Variants in HTR2C observed in about 807,000 individuals in gnomAD.
HTR2C encodes the protein 5-hydroxytryptamine (serotonin) receptor 2C, G protein-coupled.
Under a neutral mutation model 21.0 loss-of-function variants are expected in HTR2C, and 5 were observed. The ratio of observed to expected loss-of-function variants is 0.24; its 90% CI spans 0.12 to 0.50. The LOEUF (loss-of-function observed/expected upper bound fraction) is 0.50, where lower values mean the gene tolerates loss of function less well. HTR2C is among the 20% of genes least tolerant of loss of function. The pLI, the probability that HTR2C is intolerant of heterozygous loss-of-function variation, is 0.98. For missense variants in HTR2C, 271 were observed against 371.2 expected (o/e 0.73, Z 2.22); for synonymous variants, 150 against 145.3 (o/e 1.03, Z -0.23).
At chrX:114,885,600 G>T (rs2147522736) in intron 5 of HTR2C, among the ~76,000 whole-genome samples, 1 of 111,483 alleles carries the variant, frequency 9.0e-6, no homozygotes, top group East Asian at 2.8e-4. Context: ...TTAAAAGAAA[G>T]AATTTTTCAA....
intron 2 of HTR2C, among the ~76,000 whole-genome samples, chrX:114,675,197 A>G (rs987732649): frequency 8.9e-6 from 1 of 112,144 alleles, no homozygotes; most frequent in Non-Finnish European, 1.9e-5. Context: ...ATTATTTAAT[A>G]CATCTTCAAT....
intron 4 of HTR2C, among the ~76,000 whole-genome samples, chrX:114,824,490 T>A (rs782302960): frequency 2.4e-4 from 27 of 112,407 alleles, no homozygotes; most frequent in African/African-American, 8.7e-4. Context: ...ACTATGGATC[T>A]TTATATGAAA....
chrX:114,767,257 T>C, intron 4 of HTR2C, among the ~76,000 whole-genome samples: 1 of 110,878 alleles, frequency 9.0e-6, no homozygotes, highest in East Asian at 2.8e-4. Context: ...GTATTCTGAG[T>C]TCGTACTTAG....
intron 2 of HTR2C, among the ~76,000 whole-genome samples, chrX:114,661,528 A>G (rs1214905911): frequency 9.0e-6 from 1 of 110,650 alleles, no homozygotes; most frequent in Non-Finnish European, 1.9e-5. Flanking sequence ...TAGTAATGAC[A>G]CCTGGCTAAT....
intron 1 of HTR2C, among the ~76,000 whole-genome samples, chrX:114,607,961 T>C (rs1015736454): frequency 9.0e-6 from 1 of 111,350 alleles, no homozygotes; most frequent in South Asian, 3.8e-4. Flanking sequence ...CACTCCAACC[T>C]GGGCAACAGA....
intron 5 of HTR2C, among the ~76,000 whole-genome samples, chrX:114,873,096 C>T (rs1318507531): frequency 9.0e-6 from 1 of 111,485 alleles, no homozygotes; most frequent in African/African-American, 3.2e-5. Flanking sequence ...TTACTTTAAT[C>T]TCTTTTTGTC....
intron 2 of HTR2C, among the ~76,000 whole-genome samples, chrX:114,672,212 C>A (rs1249674118): frequency 9.0e-6 from 1 of 111,380 alleles, no homozygotes; most frequent in Non-Finnish European, 1.9e-5. Context: ...CATATTTTAA[C>A]CTCATCTCTG....
chrX:114,805,803 G>GTATATACACCATATATACACCA (rs1556448827), intron 4 of HTR2C, among the ~76,000 whole-genome samples: 1 of 86,507 alleles, frequency 1.2e-5, no homozygotes, highest in African/African-American at 5.1e-5. Context: ...TATATACCAT[G>GTATATACACCATATATACACCA]TATATACACC....
chrX:114,881,500 G>GT (rs368147826), intron 5 of HTR2C, among the ~76,000 whole-genome samples: 4,564 of 101,377 alleles, frequency 0.045, 253 homozygotes, highest in African/African-American at 0.15. Context: ...TATTTTGAGG[G>GT]TTTTTTTTTT....
chrX:114,749,236 C>A (rs2069735112), intron 4 of HTR2C, among the ~76,000 whole-genome samples: 1 of 108,685 alleles, frequency 9.2e-6, no homozygotes, highest in Admixed American at 9.9e-5. Context: ...ATCGCTTGAG[C>A]CCAGGAGTTT....
intron 4 of HTR2C, among the ~76,000 whole-genome samples, chrX:114,750,523 A>G (rs2069751580): frequency 8.9e-6 from 1 of 112,461 alleles, no homozygotes; most frequent in African/African-American, 3.2e-5. Flanking sequence ...GGAAATGACA[A>G]TAATCATAGC....
chrX:114,652,248 T>C (rs1351383709), intron 2 of HTR2C, among the ~76,000 whole-genome samples: 2 of 111,710 alleles, frequency 1.8e-5, no homozygotes, highest in African/African-American at 6.5e-5. Flanking sequence ...TCTCTGCATA[T>C]AATTCCAAGT....
At chrX:114,863,559 G>T (rs1485521201) in intron 5 of HTR2C, among the ~76,000 whole-genome samples, 2 of 111,327 alleles carry the variant, frequency 1.8e-5, no homozygotes, top group East Asian at 5.6e-4. Context: ...CTAACATATG[G>T]TCTATCCTGG....
intron 4 of HTR2C, among the ~76,000 whole-genome samples, chrX:114,821,574 A>T (rs1556456291): frequency 9.0e-6 from 1 of 111,690 alleles, no homozygotes; most frequent in African/African-American, 3.3e-5. Context: ...CGAAAGTTAG[A>T]AACACTGGCC....
At position 114,726,915 on chromosome X, in the gene HTR2C, G is replaced by T. The variant is rs782448917; in HGVS notation, c.-22G>T. ...TTCGTCTTCTCAATTTTAAACTTTG[G>T]TTGCTTAAGACTGAAGCAATCATGG... On this transcript the variant is annotated 5_prime_UTR_variant, in exon 3 of 6. Coordinates refer to ENST00000276198, the MANE Select transcript of HTR2C (RefSeq NM_000868.4). The T allele has an allele frequency of 9.1e-7, 1 of 1,098,762 alleles. No homozygotes were observed. The highest frequency in any genetic ancestry group is 3.4e-5 in the East Asian group (1 of 29,752). 90.6% of individuals were successfully genotyped at this position (1,098,762 alleles called of 1,213,427 possible).
At chrX:114,836,020 G>A (rs1279045195) in intron 4 of HTR2C, among the ~76,000 whole-genome samples, 1 of 108,026 alleles carries the variant, frequency 9.3e-6, no homozygotes, top group Admixed American at 9.9e-5. Flanking sequence ...GGCTGCTCGG[G>A]GGTCAGGGGT....
chrX:114,896,469 G>T (rs2071297900), intron 5 of HTR2C, among the ~76,000 whole-genome samples: 1 of 111,998 alleles, frequency 8.9e-6, no homozygotes, highest in African/African-American at 3.2e-5. Flanking sequence ...GATGATTGTG[G>T]ATGTATTCAT....
At chrX:114,681,556 C>T (rs1159626017) in intron 2 of HTR2C, among the ~76,000 whole-genome samples, 1 of 111,179 alleles carries the variant, frequency 9.0e-6, no homozygotes, top group Non-Finnish European at 1.9e-5. Flanking sequence ...ACTCAAGTTA[C>T]AATTTGCAGT....
chrX:114,755,239 TA>T (rs58933362), intron 4 of HTR2C, among the ~76,000 whole-genome samples: 1,918 of 76,305 alleles, frequency 0.025, 31 homozygotes, highest in African/African-American at 0.064. Context: ...AGACTTCATC[TA>T]AAAAAAAAAA....
Sources: allele counts gnomAD v4.1 joint callset (sites outside exome capture counted in the v4.1 genomes callset), GRCh38; gene constraint gnomAD v4.1.1; transcripts MANE v1.5; gene names NCBI Gene and HGNC (gene_info 2026-07-23, HGNC 2026-07-21).